ASAH2B: variants seen among roughly 807,000 people sequenced by gnomAD.
The protein encoded by ASAH2B is putative inactive neutral ceramidase B.
A neutral mutation model predicts 2.9 loss-of-function variants in ASAH2B; 1 was observed. The ratio of observed to expected loss-of-function variants is 0.34; its 90% CI spans 0.12 to 1.63. ASAH2B has a LOEUF of 1.63. ASAH2B is among the 40% of genes most tolerant of loss of function. The probability of loss-of-function intolerance (pLI) is 0.36; values close to 1 mark genes in which losing one functional copy is unlikely to be tolerated. For synonymous variants in ASAH2B, 4 were observed against 13.3 expected (o/e 0.30, Z 1.52); for missense variants, 9 against 37.7 (o/e 0.24, Z 1.99).
In ASAH2B at chr10:50,756,298, A is replaced by T. The variant is rs1837087582; in HGVS notation, c.*1558A>T. 6.6e-6 allele frequency: 1 copy of T among 151,488 alleles called. No individual in the cohort carries two copies. Among genetic ancestry groups the T allele is most frequent in the African/African-American group, 2.4e-5 (1 of 41,380 alleles). 9.4% of individuals were successfully genotyped at this position (151,488 alleles called of 1,614,324 possible). A position where few individuals can be genotyped will look rare whatever the true frequency, so the allele number is the denominator to read the frequency against. ...ATTTATTGAATTAGAATGAACCTGG[A>T]ACACTTTTTGATGAATTGGTATCCT... On this transcript the variant is annotated 3_prime_UTR_variant, in exon 6 of 6. Transcript: ENST00000647317.
intron 5 of ASAH2B, among the ~76,000 whole-genome samples, chr10:50,753,164 A>T (rs74913945): frequency 0.018 from 2,642 of 147,658 alleles, 30 homozygotes; most frequent in Non-Finnish European, 0.027. Context: ...CTGAAATAAG[A>T]CAATACTTCT....
At chr10:50,754,106 A>G (rs1351856590) in intron 5 of ASAH2B, among the ~76,000 whole-genome samples, 3 of 149,180 alleles carry the variant, frequency 2.0e-5, no homozygotes, top group Non-Finnish European at 4.4e-5. Context: ...TCTAGAAGAG[A>G]GTCTGACATG....
rs932932272 is a variant in ASAH2B, at chr10:50,745,550, A to G, written c.144+276A>G. On this transcript the variant is annotated intron_variant, in intron 3 of 5. Transcript: ENST00000647317. Reference sequence around the variant, plus strand: ...GGCACTGAGAGTTGTCTCTTAAGTCAAGGATAGGAAAAACATACAGAAATG... The same window carrying G: ...GGCACTGAGAGTTGTCTCTTAAGTCGAGGATAGGAAAAACATACAGAAATG... Among the ~76,000 whole-genome samples, 78 of 127,860 alleles carry G rather than the reference A, an allele frequency of 6.1e-4. 1 individual carries two copies. The highest frequency in any genetic ancestry group is 2.2e-3 in the African/African-American group (77 of 34,370). 83.9% of individuals were successfully genotyped at this position (127,860 alleles called of 152,430 possible).
At chr10:50,743,608 C>T (rs891595035) in intron 2 of ASAH2B, 3 of 152,490 alleles carry the variant, frequency 2.0e-5, no homozygotes, top group African/African-American at 7.4e-5. Flanking sequence ...ATAGTGGTGC[C>T]TTGGAATAAA....
At chr10:50,740,730 G>A (rs570994113) in intron 1 of ASAH2B, among the ~76,000 whole-genome samples, 19 of 152,208 alleles carry the variant, frequency 1.2e-4, no homozygotes, top group Admixed American at 1.2e-3. Context: ...CAATCAAGCT[G>A]TCAGATTTTA....
chr10:50,744,814 C>T (rs185213596), intron 2 of ASAH2B: 33 of 382,348 alleles, frequency 8.6e-5, no homozygotes, highest in African/African-American at 5.9e-4. Context: ...ATGTTAGGCC[C>T]CTGTACAAGG....
At chr10:50,754,308 T>G (rs1837035619) in intron 5 of ASAH2B, among the ~76,000 whole-genome samples, 2 of 115,422 alleles carry the variant, frequency 1.7e-5, no homozygotes, top group Non-Finnish European at 3.5e-5. Context: ...ATAATTTAGG[T>G]AGGTAGAAAG....
At chr10:50,741,073 C>G (rs1198304827) in intron 1 of ASAH2B, among the ~76,000 whole-genome samples, 5 of 152,220 alleles carry the variant, frequency 3.3e-5, no homozygotes, top group African/African-American at 4.8e-5. Context: ...ATACCTAGGT[C>G]TGAGCTGTCC....
intron 1 of ASAH2B, among the ~76,000 whole-genome samples, chr10:50,741,039 G>A (rs1478540349): frequency 6.6e-6 from 1 of 152,202 alleles, no homozygotes; most frequent in Non-Finnish European, 1.5e-5. Flanking sequence ...TTTAAGTTAG[G>A]AAACCACTTC....
chr10:50,756,874 C>T lies in ASAH2B; in HGVS notation c.*2134C>T, dbSNP rs542974123. 4.6e-5 allele frequency: 7 copies of T among 151,794 alleles called. No individual in the cohort carries two copies. In the South Asian group the frequency reaches 1.0e-3, roughly 22 times the overall value. The allele number at this position is 151,794 out of a possible 1,614,324, so 9.4% of individuals were successfully genotyped here. A position where few individuals can be genotyped will look rare whatever the true frequency, so the allele number is the denominator to read the frequency against. On this transcript the variant is annotated 3_prime_UTR_variant, in exon 6 of 6. Coordinates refer to ENST00000647317, the MANE Select transcript of ASAH2B (RefSeq NM_001321958.2). ...TTGATATAAAAACACAGATCCAATT[C>T]GTGTCTGTGGATGCTGCAAGGACTG... is the stretch of plus-strand genomic sequence containing the variant.
chr10:50,744,170 C>A (rs1157884360), intron 2 of ASAH2B, among the ~76,000 whole-genome samples: 9 of 151,292 alleles, frequency 5.9e-5, no homozygotes, highest in South Asian at 4.1e-4. Context: ...AAAGCATAAA[C>A]CTATAATCCA....
At chr10:50,743,056 G>GTA (rs1839856532) in intron 2 of ASAH2B, 46 bp downstream of exon 2, 1 of 1,576,586 alleles carries the variant, frequency 6.3e-7, no homozygotes, top group Non-Finnish European at 8.7e-7. Context: ...GTGTGTGTGT[G>GTA]TGTATGTCTG....
In ASAH2B at chr10:50,756,176, A is replaced by T. The variant is rs1837083284; in HGVS notation, c.*1436A>T. The T allele has an allele frequency of 6.6e-6, 1 of 150,900 alleles. No homozygotes were observed. The highest frequency in any genetic ancestry group is 2.0e-4 in the East Asian group (1 of 5,108). The allele number at this position is 150,900 out of a possible 1,614,324, so 9.3% of individuals were successfully genotyped here. A position where few individuals can be genotyped will look rare whatever the true frequency, so the allele number is the denominator to read the frequency against. ...TTTAGCATTTTAGGGAAAAAAATCAATCTGTATTTCAAAAATAAACTTTGA... is the reference window on the plus strand; with the variant it reads ...TTTAGCATTTTAGGGAAAAAAATCATTCTGTATTTCAAAAATAAACTTTGA... On this transcript the variant is annotated 3_prime_UTR_variant, in exon 6 of 6. Transcript: ENST00000647317.
chr10:50,758,290 A>G lies in ASAH2B; in HGVS notation c.*3550A>G, dbSNP rs931693151. On this transcript the variant is annotated 3_prime_UTR_variant, in exon 6 of 6. Coordinates refer to ENST00000647317, the MANE Select transcript of ASAH2B (RefSeq NM_001321958.2). The stretch of plus-strand genomic sequence containing the variant: ...CATTAGAGATTTATTTCTTGATCTC[A>G]TGACCTGTCCATTGGGGTTAGCTGA... The G allele has an allele frequency of 2.9e-5, 3 of 103,392 alleles. No individual in the cohort carries two copies. The Admixed American group carries it at 3.7e-4, about 13-fold the overall frequency. 6.4% of individuals were successfully genotyped at this position (103,392 alleles called of 1,614,324 possible). A position where few individuals can be genotyped will look rare whatever the true frequency, so the allele number is the denominator to read the frequency against.
At chr10:50,741,005 T>G (rs1342266612) in intron 1 of ASAH2B, among the ~76,000 whole-genome samples, 1 of 152,266 alleles carries the variant, frequency 6.6e-6, no homozygotes, top group Non-Finnish European at 1.5e-5. Flanking sequence ...TAAAAACGTT[T>G]TAAATTTTTT....
chr10:50,744,742 G>C (rs1466494704), intron 2 of ASAH2B: 1 of 185,682 alleles, frequency 5.4e-6, no homozygotes, highest in African/African-American at 2.4e-5. Flanking sequence ...GGTGAGAGTG[G>C]CTCAATACTT....
chr10:50,740,722 A>G (rs1564469043), intron 1 of ASAH2B, among the ~76,000 whole-genome samples: 1 of 152,198 alleles, frequency 6.6e-6, no homozygotes, highest in African/African-American at 2.4e-5. Flanking sequence ...CTTTTTTTCA[A>G]TCAAGCTGTC....
In ASAH2B at chr10:50,759,168, T is replaced by A. The variant is rs1350122277; in HGVS notation, c.*4428T>A. 2.3e-5 allele frequency: 2 copies of A among 87,974 alleles called. 1 individual carries two copies. Among genetic ancestry groups the A allele is most frequent in the African/African-American group, 5.2e-5 (2 of 38,724 alleles). The allele number at this position is 87,974 out of a possible 1,614,324, so 5.4% of individuals were successfully genotyped here. On this transcript the variant is annotated 3_prime_UTR_variant, in exon 6 of 6. Transcript: ENST00000647317. Reference sequence around the variant, plus strand: ...AAATAGCAATTTGGTTTTATACTTGTATTAGCATTTTTCCCCCTTGACATC... The same window carrying A: ...AAATAGCAATTTGGTTTTATACTTGAATTAGCATTTTTCCCCCTTGACATC...
chr10:50,741,535 T>G (rs991804505), intron 1 of ASAH2B, among the ~76,000 whole-genome samples: 4 of 152,212 alleles, frequency 2.6e-5, no homozygotes, highest in African/African-American at 2.4e-5. Flanking sequence ...TTCAGGAAGA[T>G]GTAACATCTG....
Sources: gnomAD v4.1 joint callset for allele counts (sites outside exome capture counted in the v4.1 genomes callset) on GRCh38, gnomAD v4.1.1 for gene constraint, MANE v1.5 for transcripts, NCBI Gene and HGNC (gene_info 2026-07-23, HGNC 2026-07-21) for gene names.